CTCF: variants seen among roughly 807,000 people sequenced by gnomAD.
The protein encoded by CTCF is transcriptional repressor CTCF.
Under a neutral mutation model 72.3 loss-of-function variants are expected in CTCF, and 7 were observed. That is an observed-to-expected ratio of 0.10 (90% confidence interval 0.06 to 0.18). The LOEUF is 0.18. Among genes scored for constraint, CTCF ranks in the 10% least tolerant of loss-of-function variants. The pLI is 1.00. For missense variants in CTCF, 516 were observed against 949.1 expected (o/e 0.54, Z 6.00); for synonymous variants, 374 against 315.8 (o/e 1.18, Z -1.95).
intron 5 of CTCF, among the ~76,000 whole-genome samples, chr16:67,620,053 T>C (rs1048763968): frequency 3.3e-5 from 5 of 152,232 alleles, no homozygotes; most frequent in African/African-American, 9.6e-5. Context: ...AATTAAAATA[T>C]GTACTCAGTA....
intron 7 of CTCF, among the ~76,000 whole-genome samples, chr16:67,622,085 G>T (rs556559978): frequency 6.6e-6 from 1 of 152,098 alleles, no homozygotes; most frequent in Non-Finnish European, 1.5e-5. Flanking sequence ...GGCCGGGCGC[G>T]GCAGCTCACA....
intron 2 of CTCF, among the ~76,000 whole-genome samples, chr16:67,574,214 G>C (rs1336552504): frequency 2.0e-5 from 3 of 152,152 alleles, no homozygotes; most frequent in Non-Finnish European, 2.9e-5. Flanking sequence ...CATTCCTTCA[G>C]AGCTTCTGAC....
intron 2 of CTCF, among the ~76,000 whole-genome samples, chr16:67,591,678 T>C (rs1025589513): frequency 6.6e-6 from 1 of 152,282 alleles, no homozygotes; most frequent in Admixed American, 6.5e-5. Context: ...TAAAAGTTAC[T>C]TAGCTTTTCC....
chr16:67,578,600 T>C (rs2051537036), intron 2 of CTCF, among the ~76,000 whole-genome samples: 1 of 151,088 alleles, frequency 6.6e-6, no homozygotes, highest in South Asian at 2.1e-4. Flanking sequence ...CCCAAATTGC[T>C]GTGATTACAA....
At chr16:67,632,540 G>A (rs746677401) in intron 10 of CTCF, among the ~76,000 whole-genome samples, 1 of 152,130 alleles carries the variant, frequency 6.6e-6, no homozygotes, top group Non-Finnish European at 1.5e-5. Flanking sequence ...TCTGCCTGTC[G>A]GCTGTCTACA....
chr16:67,619,669 C>T (rs987442798), intron 5 of CTCF, among the ~76,000 whole-genome samples: 2 of 152,184 alleles, frequency 1.3e-5, no homozygotes, highest in African/African-American at 4.8e-5. Flanking sequence ...TAGCCTTAAA[C>T]TCCTGAGCTC....
chr16:67,577,184 C>G (rs1051759513), intron 2 of CTCF, among the ~76,000 whole-genome samples: 4 of 151,492 alleles, frequency 2.6e-5, no homozygotes, highest in Non-Finnish European at 1.5e-5. Context: ...TTCGGGAGGC[C>G]GAGGTGGGCG....
intron 2 of CTCF, among the ~76,000 whole-genome samples, chr16:67,579,378 C>T (rs1292797051): frequency 2.7e-5 from 4 of 150,098 alleles, no homozygotes; most frequent in African/African-American, 4.9e-5. Context: ...TTATTTGAGA[C>T]GGAGTCTTGC....
chr16:67,611,923 G>T, intron 3 of CTCF, 28 bp from the exon 4 acceptor site: 1 of 1,601,424 alleles, frequency 6.2e-7, no homozygotes, highest in Non-Finnish European at 8.6e-7. Flanking sequence ...AAACTCTGCA[G>T]CAAGTAAGTG....
chr16:67,617,512 T>TAATAAATA (rs984261219), intron 5 of CTCF, among the ~76,000 whole-genome samples: 1 of 151,126 alleles, frequency 6.6e-6, no homozygotes, highest in South Asian at 2.1e-4. Context: ...CAAAAAATAA[T>TAATAAATA]AATAAATAAA....
chr16:67,597,677 A>C (rs1184587709), intron 2 of CTCF, among the ~76,000 whole-genome samples: 1 of 152,140 alleles, frequency 6.6e-6, no homozygotes, highest in African/African-American at 2.4e-5. Context: ...ATACATTCCA[A>C]ATGGATTAAA....
At position 67,621,470 on chromosome 16, in the gene CTCF, T is replaced by C; in HGVS notation, c.1236T>C (p.Cys412=). 1 of 1,609,408 alleles carries C rather than the reference T, an allele frequency of 6.2e-7. No individual in the cohort carries two copies. The highest frequency in any genetic ancestry group is 8.5e-7 in the Non-Finnish European group (1 of 1,175,840). Reference sequence around the variant, plus strand: ...AAAAGCCTTATGAATGTTATATTTGTCATGCTCGGTTTACCCAAAGTGGTA... The same window carrying C: ...AAAAGCCTTATGAATGTTATATTTGCCATGCTCGGTTTACCCAAAGTGGTA... ...SGEKPYECYI[C]HARFTQSGTM... Residue 412 remains cysteine, a synonymous_variant, in exon 7 of 12, where the codon TGT becomes TGC. Coordinates refer to ENST00000264010, the MANE Select transcript of CTCF (RefSeq NM_006565.4).
At chr16:67,629,966 C>T (rs1196747533) in intron 10 of CTCF, among the ~76,000 whole-genome samples, 1 of 150,618 alleles carries the variant, frequency 6.6e-6, no homozygotes, top group Non-Finnish European at 1.5e-5. Context: ...TTAGTAGAGA[C>T]GGGGTTTCAC....
intron 2 of CTCF, 46 bp downstream of exon 2, chr16:67,571,310 T>C (rs1351252351): frequency 6.6e-6 from 1 of 152,606 alleles, no homozygotes; most frequent in Non-Finnish European, 1.5e-5. Context: ...GGTAGTAATA[T>C]AACCCTCCTG....
intron 7 of CTCF, among the ~76,000 whole-genome samples, chr16:67,622,034 A>G (rs546792640): frequency 1.3e-5 from 2 of 152,248 alleles, no homozygotes; most frequent in Middle Eastern, 3.4e-3. Flanking sequence ...GTTAAACTAG[A>G]GTTTACATGC....
intron 2 of CTCF, among the ~76,000 whole-genome samples, chr16:67,601,219 T>TGG (rs2051882225): frequency 7.9e-5 from 1 of 12,728 alleles, no homozygotes; most frequent in South Asian, 6.1e-3. Context: ...CACTAAGGGG[T>TGG]GTGTGTGTGT....
In CTCF at chr16:67,637,794, G is replaced by A. The variant is rs1194107975; in HGVS notation, c.2106G>A (p.Glu702=). 3 of 1,613,180 alleles carry A rather than the reference G, an allele frequency of 1.9e-6. No individual in the cohort carries two copies. The highest frequency in any genetic ancestry group is 8.5e-7 in the Non-Finnish European group (1 of 1,180,034). Reference sequence around the variant, plus strand: ...CTGAGCCCGCAGAGGGAGAGGAAGAGGAGGCCCAGCCAGCTGCCACAGATG... The same window carrying A: ...CTGAGCCCGCAGAGGGAGAGGAAGAAGAGGCCCAGCCAGCTGCCACAGATG... ...PDAEPAEGEE[E]EAQPAATDAP... The change falls in exon 12 of 12, where the codon GAG becomes GAA. Residue 702 remains glutamate (E), a synonymous_variant. Coordinates refer to ENST00000264010, the MANE Select transcript of CTCF (RefSeq NM_006565.4).
intron 7 of CTCF, among the ~76,000 whole-genome samples, chr16:67,625,718 C>T (rs927197650): frequency 1.3e-5 from 2 of 152,150 alleles, no homozygotes; most frequent in Non-Finnish European, 2.9e-5. Context: ...CTGTGTATCC[C>T]TTGCCATCCC....
At chr16:67,636,587 A>ATT (rs1473288618) in intron 10 of CTCF, 103 bp from the exon 11 acceptor site, 9 of 368,984 alleles carry the variant, frequency 2.4e-5, no homozygotes, top group Non-Finnish European at 3.4e-5. Context: ...ATATATATAT[A>ATT]TATTTATAAA....
Sources: allele counts gnomAD v4.1 joint callset (sites outside exome capture counted in the v4.1 genomes callset), GRCh38; gene constraint gnomAD v4.1.1; transcripts MANE v1.5; gene names NCBI Gene and HGNC (gene_info 2026-07-23, HGNC 2026-07-21).